Variants in CDH18 observed in about 807,000 individuals in gnomAD.
CDH18 encodes the protein cadherin-18.
Under a neutral mutation model 67.9 loss-of-function variants are expected in CDH18, and 31 were observed. The ratio of observed to expected loss-of-function variants is 0.46; its 90% CI spans 0.34 to 0.62. The LOEUF (loss-of-function observed/expected upper bound fraction) is 0.62. CDH18 is among the 20% of genes least tolerant of loss of function. CDH18 has a pLI of 0.01. For missense variants in CDH18, 890 were observed against 975.5 expected, an observed-to-expected ratio of 0.91 and a Z score of 1.17; for synonymous variants, 362 against 347.2, an observed-to-expected ratio of 1.04 and a Z score of -0.48.
intron 2 of CDH18, among the ~76,000 whole-genome samples, chr5:20,061,006 A>G (rs976778568): frequency 2.0e-5 from 3 of 151,946 alleles, no homozygotes; most frequent in Non-Finnish European, 4.4e-5. Context: ...GAGATTCAAT[A>G]CTTAGGAAAG....
chr5:20,497,846 G>T (rs957406400), intron 1 of CDH18, among the ~76,000 whole-genome samples: 1 of 152,086 alleles, frequency 6.6e-6, no homozygotes, highest in South Asian at 2.1e-4. Flanking sequence ...AAAAGTCACA[G>T]GTTGAAACCT....
intron 5 of CDH18, among the ~76,000 whole-genome samples, chr5:19,650,105 C>T (rs187123763): frequency 6.6e-6 from 1 of 152,078 alleles, no homozygotes; most frequent in Non-Finnish European, 1.5e-5. Flanking sequence ...TCAATACTTA[C>T]TGTACACACA....
rs74793739 is a variant in CDH18 at position 20,189,724 on chromosome 5, C to T, written c.-518+65720G>A. On this transcript the variant is annotated intron_variant, in intron 2 of 14. Transcript: ENST00000507958. ...GTCCTAAGTCCAATTTATACTACCT[C>T]GCTTCACTCAAACCAACCATGTCCG... is the stretch of plus-strand genomic sequence containing the variant. Among the ~76,000 whole-genome samples the T allele has an allele frequency of 8.4e-3, 1,273 of 152,218 alleles. 7 individuals are homozygous for T. Among genetic ancestry groups the T allele is most frequent in the Non-Finnish European group, 0.012 (788 of 67,986 alleles).
chr5:20,018,165 A>G (rs552863695), intron 2 of CDH18, among the ~76,000 whole-genome samples: 3 of 152,282 alleles, frequency 2.0e-5, no homozygotes, highest in African/African-American at 7.2e-5. Flanking sequence ...TGTGAGGTTA[A>G]GTATTTAATA....
intron 1 of CDH18, among the ~76,000 whole-genome samples, chr5:20,553,273 T>C (rs1428737): frequency 0.4 from 60,056 of 151,922 alleles, 13,303 homozygotes; most frequent in East Asian, 0.56. Flanking sequence ...AGGGTCATTT[T>C]AATATTTATT....
chr5:19,975,308 T>G (rs1798396194), intron 2 of CDH18, among the ~76,000 whole-genome samples: 1 of 152,166 alleles, frequency 6.6e-6, no homozygotes, highest in Admixed American at 6.6e-5. Flanking sequence ...GCCAAAATAA[T>G]ATACTTTTAT....
At chr5:20,176,906 G>A (rs1041126531) in intron 2 of CDH18, among the ~76,000 whole-genome samples, 2 of 152,022 alleles carry the variant, frequency 1.3e-5, no homozygotes, top group Non-Finnish European at 2.9e-5. Context: ...TTTGCAAAAT[G>A]TTTGCACAGC....
intron 5 of CDH18, among the ~76,000 whole-genome samples, chr5:19,651,669 C>T (rs1044245527): frequency 2.0e-5 from 3 of 152,038 alleles, no homozygotes; most frequent in African/African-American, 7.2e-5. Context: ...TGAAAAGGCC[C>T]TTGAGAACAC....
At chr5:20,002,064 A>T (rs1736489582) in intron 2 of CDH18, among the ~76,000 whole-genome samples, 1 of 152,196 alleles carries the variant, frequency 6.6e-6, no homozygotes. Context: ...GTTACAAACT[A>T]GTCATTATTG....
At chr5:20,390,950 C>T (rs1022211630) in intron 1 of CDH18, among the ~76,000 whole-genome samples, 2 of 151,816 alleles carry the variant, frequency 1.3e-5, no homozygotes, top group Admixed American at 1.3e-4. Context: ...CACATGGACC[C>T]AGGAAGGGGA....
At chr5:20,442,221 C>A (rs574663781) in intron 1 of CDH18, among the ~76,000 whole-genome samples, 1 of 151,934 alleles carries the variant, frequency 6.6e-6, no homozygotes, top group African/African-American at 2.4e-5. Flanking sequence ...TCCTGGAGGG[C>A]AGTCTCATAG....
At chr5:19,596,765 T>C (rs1223907691) in intron 6 of CDH18, among the ~76,000 whole-genome samples, 1 of 152,168 alleles carries the variant, frequency 6.6e-6, no homozygotes, top group Non-Finnish European at 1.5e-5. Flanking sequence ...TCTTGACACA[T>C]TTTAAGAATT....
At chr5:19,811,337 T>G (rs948831371) in intron 3 of CDH18, among the ~76,000 whole-genome samples, 7 of 152,094 alleles carry the variant, frequency 4.6e-5, no homozygotes, top group Admixed American at 4.6e-4. Flanking sequence ...GTAGGGTCAT[T>G]AAGGCAGTCA....
intron 2 of CDH18, among the ~76,000 whole-genome samples, chr5:20,051,613 C>A (rs1249038305): frequency 1.3e-5 from 2 of 151,812 alleles, no homozygotes; most frequent in Non-Finnish European, 2.9e-5. Context: ...ACTTAAACAA[C>A]TGGGTGGGTA....
At chr5:20,560,857 C>A (rs1246413737) in intron 1 of CDH18, among the ~76,000 whole-genome samples, 1 of 151,884 alleles carries the variant, frequency 6.6e-6, no homozygotes, top group Non-Finnish European at 1.5e-5. Flanking sequence ...AAAATATTTT[C>A]AAAAGACATA....
At chr5:19,588,479 A>G (rs1207276935) in intron 7 of CDH18, among the ~76,000 whole-genome samples, 1 of 152,110 alleles carries the variant, frequency 6.6e-6, no homozygotes, top group Non-Finnish European at 1.5e-5. Context: ...TGACTCTATG[A>G]AGCAACCATA....
chr5:19,775,883 T>C (rs1172696572), intron 3 of CDH18, among the ~76,000 whole-genome samples: 2 of 152,170 alleles, frequency 1.3e-5, no homozygotes, highest in African/African-American at 4.8e-5. Context: ...ACTCATAAGC[T>C]AGAGTTCATA....
intron 1 of CDH18, among the ~76,000 whole-genome samples, chr5:20,353,645 T>G (rs1259230912): frequency 2.0e-5 from 3 of 152,176 alleles, no homozygotes; most frequent in Non-Finnish European, 4.4e-5. Context: ...TCATGTTTTG[T>G]CCTCAACCTT....
At chr5:20,085,093 A>G (rs943296674) in intron 2 of CDH18, among the ~76,000 whole-genome samples, 1 of 152,126 alleles carries the variant, frequency 6.6e-6, no homozygotes, top group African/African-American at 2.4e-5. Context: ...CCAAACTTTT[A>G]TGCTCTGCTT....
Sources: allele counts gnomAD v4.1 joint callset (sites outside exome capture counted in the v4.1 genomes callset), GRCh38; gene constraint gnomAD v4.1.1; transcripts MANE v1.5; gene names NCBI Gene and HGNC (gene_info 2026-07-23, HGNC 2026-07-21).